ARHGAP24: variants seen among roughly 807,000 people sequenced by gnomAD.
ARHGAP24 encodes the protein Rho GTPase activating protein 24.
ARHGAP24 carries 50 observed loss-of-function variants against 76.4 expected under a neutral mutation model. That is an observed-to-expected ratio of 0.65 (90% CI 0.52 to 0.83). The LOEUF (loss-of-function observed/expected upper bound fraction) is 0.83. ARHGAP24 is among the 40% of genes least tolerant of loss of function. ARHGAP24 has a pLI of 0.00. For missense variants in ARHGAP24, 930 were observed against 914.2 expected (o/e 1.02, Z -0.22); for synonymous variants, 345 against 323.3 (o/e 1.07, Z -0.72).
intron 2 of ARHGAP24, among the ~76,000 whole-genome samples, chr4:85,694,465 G>C (rs537794996): frequency 2.6e-5 from 4 of 152,194 alleles, no homozygotes; most frequent in Admixed American, 2.6e-4. Context: ...CAAGCATCTA[G>C]AGCAGCACAA....
intron 2 of ARHGAP24, among the ~76,000 whole-genome samples, chr4:85,628,132 A>G (rs903515815): frequency 2.0e-5 from 3 of 152,104 alleles, no homozygotes; most frequent in African/African-American, 4.8e-5. Context: ...CGGTACCTCA[A>G]TTGGAAATGC....
rs1447197456 is a variant in ARHGAP24 at position 85,663,832 on chromosome 4, T to C, written c.181-58053T>C. On this transcript the variant is annotated intron_variant, in intron 2 of 9. Coordinates refer to ENST00000395184, the MANE Select transcript of ARHGAP24 (RefSeq NM_001025616.3). Reference sequence around the variant, plus strand: ...ATGCTGGATTACATTTATTGATTTGTGTATATTGAACCAGCCTTGCATCCC... The same window carrying C: ...ATGCTGGATTACATTTATTGATTTGCGTATATTGAACCAGCCTTGCATCCC... Among the ~76,000 whole-genome samples the C allele has an allele frequency of 1.2e-4, 18 of 151,708 alleles. No individual in the cohort carries two copies. The East Asian group carries it at 1.8e-3, about 15-fold the overall frequency.
intron 3 of ARHGAP24, among the ~76,000 whole-genome samples, chr4:85,862,213 C>T (rs976531731): frequency 1.3e-5 from 2 of 151,914 alleles, no homozygotes; most frequent in African/African-American, 2.4e-5. Context: ...ATGAATGATT[C>T]GTGAATCAGG....
At chr4:85,651,346 A>G (rs1217393723) in intron 2 of ARHGAP24, among the ~76,000 whole-genome samples, 1 of 149,262 alleles carries the variant, frequency 6.7e-6, no homozygotes, top group African/African-American at 2.6e-5. Flanking sequence ...TCATCAGTCC[A>G]GGGATGGAAA....
intron 1 of ARHGAP24, among the ~76,000 whole-genome samples, chr4:85,495,443 C>T (rs1302859405): frequency 6.8e-6 from 1 of 147,468 alleles, no homozygotes; most frequent in African/African-American, 2.5e-5. Context: ...CCTTGCCTCC[C>T]GGGTTCATGC....
chr4:85,888,766 C>T (rs989331309), intron 3 of ARHGAP24, among the ~76,000 whole-genome samples: 1 of 152,092 alleles, frequency 6.6e-6, no homozygotes, highest in Admixed American at 6.6e-5. Context: ...CTGATCCTCT[C>T]CCTCCTCCTA....
At chr4:85,532,651 C>G (rs1339837035) in intron 1 of ARHGAP24, among the ~76,000 whole-genome samples, 1 of 152,136 alleles carries the variant, frequency 6.6e-6, no homozygotes, top group Non-Finnish European at 1.5e-5. Flanking sequence ...ATGTTATGAT[C>G]ATACCGTGAA....
chr4:85,722,875 T>C (rs1725007595), intron 3 of ARHGAP24, among the ~76,000 whole-genome samples: 1 of 152,206 alleles, frequency 6.6e-6, no homozygotes, highest in South Asian at 2.1e-4. Flanking sequence ...ATTTTTCCTA[T>C]ATTTATATTA....
At chr4:85,798,431 G>A (rs775192863) in intron 3 of ARHGAP24, among the ~76,000 whole-genome samples, 3 of 152,146 alleles carry the variant, frequency 2.0e-5, no homozygotes, top group Non-Finnish European at 2.9e-5. Flanking sequence ...TTTTTGGAGT[G>A]ATCAGACAGT....
intron 5 of ARHGAP24, among the ~76,000 whole-genome samples, chr4:85,953,724 G>C (rs148909832): frequency 3.2e-4 from 49 of 152,146 alleles, no homozygotes; most frequent in Admixed American, 1.9e-3. Context: ...ACCCAGCAGA[G>C]AGACTGGCAG....
chr4:85,558,285 T>C (rs1440715397), intron 1 of ARHGAP24, among the ~76,000 whole-genome samples: 3 of 152,284 alleles, frequency 2.0e-5, no homozygotes, highest in Admixed American at 6.5e-5. Flanking sequence ...AAATAACATA[T>C]GTGCCACCAA....
At chr4:85,579,324 C>T (rs1201685632) in intron 2 of ARHGAP24, among the ~76,000 whole-genome samples, 1 of 152,020 alleles carries the variant, frequency 6.6e-6, no homozygotes, top group Non-Finnish European at 1.5e-5. Flanking sequence ...GGAAAATTTC[C>T]ATTATACCAA....
chr4:85,850,825 G>A (rs185381982), intron 3 of ARHGAP24, among the ~76,000 whole-genome samples: 1 of 152,206 alleles, frequency 6.6e-6, no homozygotes, highest in East Asian at 1.9e-4. Flanking sequence ...GGTTTGTTGT[G>A]ATTTCTGTTC....
At chr4:85,558,241 G>C (rs149916078) in intron 1 of ARHGAP24, among the ~76,000 whole-genome samples, 10 of 152,196 alleles carry the variant, frequency 6.6e-5, no homozygotes, top group Admixed American at 2.6e-4. Context: ...ATGAGGGAGA[G>C]GGGAGTCCTC....
At chr4:85,798,194 C>T (rs1377610925) in intron 3 of ARHGAP24, among the ~76,000 whole-genome samples, 5 of 152,056 alleles carry the variant, frequency 3.3e-5, no homozygotes, top group East Asian at 1.9e-4. Flanking sequence ...ACATATTCCC[C>T]GAGCAATAGT....
chr4:85,663,980 C>G (rs1722508400), intron 2 of ARHGAP24, among the ~76,000 whole-genome samples: 2 of 151,662 alleles, frequency 1.3e-5, no homozygotes, highest in African/African-American at 2.4e-5. Context: ...CTAAAATTCT[C>G]TTTTTTGATT....
intron 1 of ARHGAP24, among the ~76,000 whole-genome samples, chr4:85,543,876 T>TTAGTAGC (rs1725804318): frequency 1.3e-5 from 2 of 152,142 alleles, no homozygotes; most frequent in African/African-American, 4.8e-5. Flanking sequence ...GTAGAAGTAG[T>TTAGTAGC]AGTTAGTAGC....
At chr4:85,786,865 T>G (rs12641532) in intron 3 of ARHGAP24, among the ~76,000 whole-genome samples, 145,122 of 152,288 alleles carry the variant, frequency 0.95, 69,533 homozygotes, top group East Asian at 1. Flanking sequence ...GTTTTCCCAG[T>G]TCTTGTTTTT....
intron 3 of ARHGAP24, among the ~76,000 whole-genome samples, chr4:85,841,369 T>C (rs1234632817): frequency 2.6e-5 from 4 of 152,186 alleles, no homozygotes; most frequent in African/African-American, 9.6e-5. Context: ...CTAAACTGTG[T>C]TGATTGTAGT....
Sources: gnomAD v4.1 joint callset for allele counts (sites outside exome capture counted in the v4.1 genomes callset) on GRCh38, gnomAD v4.1.1 for gene constraint, MANE v1.5 for transcripts, NCBI Gene and HGNC (gene_info 2026-07-23, HGNC 2026-07-21) for gene names.